The following GRIA1 variants were observed in gnomAD, a reference collection of about 807,000 sequenced individuals.
GRIA1 encodes the protein glutamate ionotropic receptor AMPA type subunit 1, also known as glutamate receptor 1.
In GRIA1, 31 loss-of-function variants were observed where a neutral mutation model predicts 99.2. The ratio of observed to expected loss-of-function variants is 0.31; its 90% confidence interval spans 0.23 to 0.42. GRIA1 has a LOEUF of 0.42. Among genes scored for constraint, GRIA1 ranks in the 10% least tolerant of loss-of-function variants. GRIA1 has a pLI of 1.00. For missense variants in GRIA1, 782 were observed against 1,157.5 expected, an observed-to-expected ratio of 0.68 and a Z score of 4.71; for synonymous variants, 438 against 432.4, an observed-to-expected ratio of 1.01 and a Z score of -0.16.
chr5:153,626,436 GTGTGTGTC>G (rs1248834524), intron 2 of GRIA1, among the ~76,000 whole-genome samples: 12 of 117,694 alleles, frequency 1.0e-4, no homozygotes, highest in Non-Finnish European at 1.8e-4. Flanking sequence ...GTCTCTGTGT[GTGTGTGTC>G]TGTGTGTGTG....
intron 11 of GRIA1, among the ~76,000 whole-genome samples, chr5:153,713,833 C>T (rs1196259070): frequency 6.6e-6 from 1 of 152,082 alleles, no homozygotes; most frequent in Non-Finnish European, 1.5e-5. Context: ...TATTGAGGAC[C>T]AATTATTCAT....
Position 153,770,782 on chromosome 5 carries a change from AC to A in GRIA1, c.2270+369del, listed in dbSNP as rs576183660. ...ACGCTATGAACAGAGTTCTCCAGCA[AC>A]CTGAATTCTTTGACAGAAGGTGGTT... On this transcript the variant is annotated intron_variant, in intron 13 of 15. Transcript: ENST00000285900. Among the ~76,000 whole-genome samples the A allele has an allele frequency of 3.9e-4, 59 of 152,348 alleles. 1 individual carries two copies. The South Asian group carries it at 0.011, about 29-fold the overall frequency.
chr5:153,759,264 A>G (rs1763024233), intron 11 of GRIA1, among the ~76,000 whole-genome samples: 1 of 151,756 alleles, frequency 6.6e-6, no homozygotes, highest in Admixed American at 6.6e-5. Context: ...AAAACAACAC[A>G]AAAGCTCAAA....
At chr5:153,556,300 G>T (rs575857758) in intron 2 of GRIA1, among the ~76,000 whole-genome samples, 3 of 152,242 alleles carry the variant, frequency 2.0e-5, no homozygotes, top group South Asian at 4.1e-4. Flanking sequence ...GCCAAGAAAG[G>T]AGAGGCTCAG....
At chr5:153,498,891 A>C (rs1754695403) in intron 2 of GRIA1, among the ~76,000 whole-genome samples, 1 of 152,168 alleles carries the variant, frequency 6.6e-6, no homozygotes, top group African/African-American at 2.4e-5. Context: ...TAATCAAATT[A>C]TGTTGTTTGG....
intron 7 of GRIA1, among the ~76,000 whole-genome samples, chr5:153,682,292 C>A (rs1464734199): frequency 6.6e-6 from 1 of 152,140 alleles, no homozygotes; most frequent in Non-Finnish European, 1.5e-5. Context: ...AGCCCTGCGT[C>A]CAGTTTGACT....
intron 11 of GRIA1, among the ~76,000 whole-genome samples, chr5:153,749,811 C>T (rs1197834894): frequency 6.6e-6 from 1 of 151,966 alleles, no homozygotes; most frequent in Non-Finnish European, 1.5e-5. Context: ...GCAAACTGCC[C>T]ACACTACACT....
chr5:153,634,194 T>C (rs1021984246), intron 2 of GRIA1, among the ~76,000 whole-genome samples: 5 of 151,780 alleles, frequency 3.3e-5, no homozygotes, highest in Admixed American at 3.3e-4. Context: ...GGCAGGCACC[T>C]GTAGTCCCAG....
chr5:153,508,066 A>G lies in GRIA1; in HGVS notation c.220+14001A>G, dbSNP rs566403273. Among the ~76,000 whole-genome samples, 5 of 152,318 alleles carry G rather than the reference A, an allele frequency of 3.3e-5. No individual in the cohort carries two copies. The South Asian group carries it at 1.0e-3, about 32-fold the overall frequency. Reference sequence around the variant, plus strand: ...TTGGGGTTTACGTCCTGGGAAACAAATACATATAATGATTTCAAATACTAG... The same window carrying G: ...TTGGGGTTTACGTCCTGGGAAACAAGTACATATAATGATTTCAAATACTAG... On this transcript the variant is annotated intron_variant, in intron 2 of 15. Coordinates refer to ENST00000285900, the MANE Select transcript of GRIA1 (RefSeq NM_000827.4).
At chr5:153,610,330 A>G (rs569968288) in intron 2 of GRIA1, among the ~76,000 whole-genome samples, 6 of 152,076 alleles carry the variant, frequency 3.9e-5, no homozygotes, top group African/African-American at 1.4e-4. Flanking sequence ...AGGATGTTCA[A>G]CTCTCCCTTT....
At chr5:153,794,926 T>C (rs1765550774) in intron 14 of GRIA1, among the ~76,000 whole-genome samples, 191 bp downstream of exon 14, 1 of 152,162 alleles carries the variant, frequency 6.6e-6, no homozygotes, top group African/African-American at 2.4e-5. Context: ...CAAGGGGCCT[T>C]CTGGTTTACC....
chr5:153,513,808 G>A (rs530923858), intron 2 of GRIA1, among the ~76,000 whole-genome samples: 1 of 146,788 alleles, frequency 6.8e-6, no homozygotes, highest in East Asian at 1.9e-4. Flanking sequence ...TGCAACCTGA[G>A]GCAAAATTTT....
In GRIA1 at chr5:153,745,717, TTTATAGATG is replaced by T. The variant is rs376502434; in HGVS notation, c.1824-18707_1824-18699del. On this transcript the variant is annotated intron_variant, in intron 11 of 15. Transcript: ENST00000285900. ...AAGCCCATAATGCAGGCATCTTACATTTATAGATGTTATAGATGACTCATAGAAGAACAT... is the reference window on the plus strand; with the variant it reads ...AAGCCCATAATGCAGGCATCTTACATTTATAGATGACTCATAGAAGAACAT... 4.3e-3 allele frequency among the ~76,000 whole-genome samples: 649 copies of T among 152,092 alleles called. 9 individuals are homozygous for T. Among genetic ancestry groups the T allele is most frequent in the African/African-American group, 0.015 (614 of 41,490 alleles).
At chr5:153,684,965 A>C (rs1757242479) in intron 7 of GRIA1, among the ~76,000 whole-genome samples, 1 of 152,170 alleles carries the variant, frequency 6.6e-6, no homozygotes, top group Non-Finnish European at 1.5e-5. Context: ...ACACACATGC[A>C]CACACACACG....
In GRIA1 at chr5:153,676,983, C is replaced by T; in HGVS notation, c.862-11C>T. ...TCTTTGATACCTAACTGTCTCCATT[C>T]CTCCCACTAGTACACCTCTGCGCTC... On this transcript the variant is annotated splice_polypyrimidine_tract_variant and intron_variant, in intron 6 of 15. Transcript: ENST00000285900. 7.2e-7 allele frequency: 1 copy of T among 1,388,742 alleles called. No homozygotes were observed. Among genetic ancestry groups the T allele is most frequent in the Non-Finnish European group, 9.4e-7 (1 of 1,058,758 alleles). The allele number at this position is 1,388,742 out of a possible 1,614,324, so 86.0% of individuals were successfully genotyped here.
At chr5:153,624,593 C>A (rs575297013) in intron 2 of GRIA1, among the ~76,000 whole-genome samples, 69 of 152,344 alleles carry the variant, frequency 4.5e-4, no homozygotes, top group Non-Finnish European at 7.5e-4. Context: ...TTTCTCTGAT[C>A]ACGTCATGCT....
At chr5:153,668,022 A>G (rs1755871945) in intron 5 of GRIA1, among the ~76,000 whole-genome samples, 2 of 152,208 alleles carry the variant, frequency 1.3e-5, no homozygotes, top group African/African-American at 4.8e-5. Flanking sequence ...TACCTCCTAC[A>G]GTGGATATAG....
At chr5:153,523,858 C>T (rs563940043) in intron 2 of GRIA1, among the ~76,000 whole-genome samples, 3 of 152,140 alleles carry the variant, frequency 2.0e-5, no homozygotes, top group African/African-American at 4.8e-5. Flanking sequence ...TAGTAATCAC[C>T]AGCCACTCTT....
intron 2 of GRIA1, among the ~76,000 whole-genome samples, chr5:153,555,341 C>G (rs1237999170): frequency 6.6e-6 from 1 of 151,318 alleles, no homozygotes; most frequent in Non-Finnish European, 1.5e-5. Flanking sequence ...GGAGCAAATT[C>G]CATTTCATTT....
Sources: allele counts gnomAD v4.1 joint callset (sites outside exome capture counted in the v4.1 genomes callset), GRCh38; gene constraint gnomAD v4.1.1; transcripts MANE v1.5; gene names NCBI Gene and HGNC (gene_info 2026-07-23, HGNC 2026-07-21).